The following MEGF11 variants were observed in gnomAD, a reference collection of about 807,000 sequenced individuals.
The protein encoded by MEGF11 is multiple EGF like domains 11, also known as multiple epidermal growth factor-like domains protein 11.
A neutral mutation model predicts 146.6 loss-of-function variants in MEGF11; 126 were observed. The observed-to-expected ratio is 0.86, with a 90% CI of 0.74 to 1.00. The LOEUF (loss-of-function observed/expected upper bound fraction) is 1.00. Among genes scored for constraint, MEGF11 ranks in the 50% least tolerant of loss-of-function variants. The probability of loss-of-function intolerance (pLI) is 0.00; values close to 1 mark genes in which losing one functional copy is unlikely to be tolerated. For missense variants in MEGF11, 1,509 were observed against 1,521.2 expected, an observed-to-expected ratio of 0.99 and a Z score of 0.13; for synonymous variants, 532 against 583.4, an observed-to-expected ratio of 0.91 and a Z score of 1.27.
chr15:66,160,245 CT>C (rs1567267958), intron 1 of MEGF11, among the ~76,000 whole-genome samples: 3 of 75,520 alleles, frequency 4.0e-5, no homozygotes, highest in Non-Finnish European at 9.0e-5. Flanking sequence ...GAAAAGCCCT[CT>C]CTCTCTCTCT....
chr15:66,253,366 T>C (rs2092403473), intron 1 of MEGF11, among the ~76,000 whole-genome samples: 1 of 152,174 alleles, frequency 6.6e-6, no homozygotes, highest in Non-Finnish European at 1.5e-5. Flanking sequence ...TGAGGCGCCC[T>C]ACATCCTGCC....
chr15:66,246,369 A>T (rs1358842562), intron 1 of MEGF11, among the ~76,000 whole-genome samples: 1 of 152,194 alleles, frequency 6.6e-6, no homozygotes, highest in Non-Finnish European at 1.5e-5. Flanking sequence ...GAGCCCAAAC[A>T]TCTGGGAAGG....
At chr15:66,083,875 C>T (rs1295150753) in intron 5 of MEGF11, among the ~76,000 whole-genome samples, 1 of 152,164 alleles carries the variant, frequency 6.6e-6, no homozygotes, top group Non-Finnish European at 1.5e-5. Context: ...TATGATTGTG[C>T]CACTGCCCTC....
At chr15:65,915,720 G>T (rs1413589105) in intron 18 of MEGF11, 122 bp from the exon 19 acceptor site, 1 of 1,286,564 alleles carries the variant, frequency 7.8e-7, no homozygotes, top group Non-Finnish European at 1.1e-6. Flanking sequence ...TATTCCCTTA[G>T]CTCCTGTTGA....
chr15:66,003,185 G>C (rs991113642), intron 5 of MEGF11, among the ~76,000 whole-genome samples: 6 of 151,890 alleles, frequency 4.0e-5, no homozygotes, highest in African/African-American at 1.2e-4. Flanking sequence ...GTGGAGACAG[G>C]GTTTCACCAT....
chr15:66,075,556 T>C (rs1235151436), intron 5 of MEGF11, among the ~76,000 whole-genome samples: 1 of 152,178 alleles, frequency 6.6e-6, no homozygotes, highest in Non-Finnish European at 1.5e-5. Flanking sequence ...ACCATTCCTG[T>C]GAGCTTACAG....
chr15:66,206,209 A>C (rs760669419), intron 1 of MEGF11, among the ~76,000 whole-genome samples: 6 of 152,320 alleles, frequency 3.9e-5, no homozygotes, highest in Non-Finnish European at 8.8e-5. Flanking sequence ...GGAAAACAAA[A>C]CAACAGAAAT....
At chr15:65,999,471 C>T (rs768554453) in intron 5 of MEGF11, among the ~76,000 whole-genome samples, 44 of 152,212 alleles carry the variant, frequency 2.9e-4, no homozygotes, top group Non-Finnish European at 1.8e-4. Flanking sequence ...TCCTCCACCT[C>T]ATGTGCCCAC....
Position 65,913,731 on chromosome 15 carries a change from C to T in MEGF11, c.2710+6G>A. ...AGAGGAGGGAGGCCAGGAGCATGGC[C>T]CTTACCTGAGAGGGAGTAGTCGGTG... On this transcript the variant is annotated splice_donor_region_variant and intron_variant, in intron 20 of 25. Coordinates refer to ENST00000395614, the MANE Select transcript of MEGF11 (RefSeq NM_001385028.1). The T allele has an allele frequency of 1.2e-6, 2 of 1,607,518 alleles. No individual in the cohort carries two copies. The highest frequency in any genetic ancestry group is 1.7e-6 in the Non-Finnish European group (2 of 1,176,448).
chr15:65,993,902 C>T (rs981152625), intron 5 of MEGF11, among the ~76,000 whole-genome samples: 1 of 152,194 alleles, frequency 6.6e-6, no homozygotes, highest in African/African-American at 2.4e-5. Flanking sequence ...GGCAAGGCAC[C>T]ACCCTTCCAG....
intron 1 of MEGF11, among the ~76,000 whole-genome samples, chr15:66,194,328 G>A (rs2090954980): frequency 6.6e-6 from 1 of 152,180 alleles, no homozygotes; most frequent in Non-Finnish European, 1.5e-5. Flanking sequence ...GATAGAATGA[G>A]CCGGGCATGG....
intron 4 of MEGF11, among the ~76,000 whole-genome samples, chr15:66,117,658 C>T (rs148230484): frequency 3.3e-5 from 5 of 152,142 alleles, no homozygotes; most frequent in South Asian, 2.1e-4. Flanking sequence ...TTGTGAGTCC[C>T]GTGTCCTACC....
At chr15:66,196,620 G>A (rs1008852156) in intron 1 of MEGF11, among the ~76,000 whole-genome samples, 13 of 152,322 alleles carry the variant, frequency 8.5e-5, no homozygotes, top group Non-Finnish European at 1.5e-4. Context: ...GTGCAGACAG[G>A]TTTAGAGTGG....
chr15:66,027,370 G>A (rs549942535), intron 5 of MEGF11, among the ~76,000 whole-genome samples: 15 of 152,352 alleles, frequency 9.8e-5, no homozygotes, highest in East Asian at 9.6e-4. Context: ...CAGTGACCAC[G>A]TCAAGCTGAA....
chr15:65,982,109 G>C lies in MEGF11; in HGVS notation c.641+133C>G. ...ACCCACAAGGAGCCCAGGGCTGGGC[G>C]TGCAGCTGCGGTGAGGGCAGCCACT... On this transcript the variant is annotated intron_variant, in intron 6 of 25. Transcript: ENST00000395614. This position sits in a 1 kb window ranked among gnomAD's most constrained non-coding sequence, Gnocchi z 5.6. 8.1e-7 allele frequency: 1 copy of C among 1,233,124 alleles called. No homozygotes were observed. Among genetic ancestry groups the C allele is most frequent in the African/African-American group, 1.6e-5 (1 of 64,206 alleles). The allele number at this position is 1,233,124 out of a possible 1,614,324, so 76.4% of individuals were successfully genotyped here.
intron 1 of MEGF11, among the ~76,000 whole-genome samples, chr15:66,212,323 G>A (rs1021090838): frequency 1.3e-5 from 2 of 152,114 alleles, no homozygotes; most frequent in Non-Finnish European, 2.9e-5. Flanking sequence ...ACACAGAGGT[G>A]GGACTTGGCA....
At position 66,119,111 on chromosome 15, in the gene MEGF11, G is replaced by A. The variant is rs1181553243; in HGVS notation, c.276C>T (p.Tyr92=). The A allele has an allele frequency of 2.6e-6, 4 of 1,551,200 alleles. No individual in the cohort carries two copies. Among genetic ancestry groups the A allele is most frequent in the Admixed American group, 2.0e-5 (1 of 50,972 alleles). Residue 92 remains tyrosine (Y), a synonymous_variant, in exon 4 of 26, where the codon TAC becomes TAT. Coordinates refer to ENST00000395614, the MANE Select transcript of MEGF11 (RefSeq NM_001385028.1). ...YRRRSQCCPG[Y]YESGDFCIPL... ...GTATGCAGAAGTCTCCGCTCTCATA[G>A]TAGCCAGGGCAGCACTGGGACCTCC... is the stretch of plus-strand genomic sequence containing the variant.
intron 5 of MEGF11, among the ~76,000 whole-genome samples, chr15:66,049,815 G>C (rs2140342006): frequency 6.6e-6 from 1 of 152,284 alleles, no homozygotes; most frequent in Non-Finnish European, 1.5e-5. Flanking sequence ...CCTGCCTTCT[G>C]GCCAAGAACC....
intron 1 of MEGF11, among the ~76,000 whole-genome samples, chr15:66,221,445 G>A (rs1190528609): frequency 6.6e-6 from 1 of 151,772 alleles, no homozygotes; most frequent in Non-Finnish European, 1.5e-5. Flanking sequence ...ATTGCCTTTG[G>A]TATCTACAGA....
Sources: gnomAD v4.1 joint callset for allele counts (sites outside exome capture counted in the v4.1 genomes callset) on GRCh38, gnomAD v4.1.1 for gene constraint, Gnocchi (gnomAD v3.1) non-coding constraint, MANE v1.5 for transcripts, NCBI Gene and HGNC (gene_info 2026-07-23, HGNC 2026-07-21) for gene names.